Variants in AFF2 observed in about 807,000 individuals in gnomAD.
AFF2 encodes AF4/FMR2 family member 2.
Under a neutral mutation model 76.9 loss-of-function variants are expected in AFF2, and 14 were observed. The ratio of observed to expected loss-of-function variants is 0.18; its 90% CI spans 0.12 to 0.28. AFF2 has a LOEUF of 0.28. AFF2 is among the 10% of genes least tolerant of loss of function. The probability of loss-of-function intolerance (pLI) is 1.00; values close to 1 mark genes in which losing one functional copy is unlikely to be tolerated. For missense variants in AFF2, 868 were observed against 1,001.1 expected (o/e 0.87, Z 1.79); for synonymous variants, 398 against 366.7 (o/e 1.09, Z -0.98).
intron 4 of AFF2, among the ~76,000 whole-genome samples, chrX:148,826,733 A>G (rs1181399691): frequency 9.0e-6 from 1 of 110,737 alleles, no homozygotes; most frequent in Non-Finnish European, 1.9e-5. Context: ...TACAGATGCT[A>G]TTTATTTTCC....
rs1456698301 is a variant in AFF2, at chrX:148,640,606, C to T, written c.48-11393C>T. On this transcript the variant is annotated intron_variant, in intron 1 of 20. Transcript: ENST00000370460. ...AACTGAGACTGATAACTAATCATAT[C>T]GAGAGACAACGTGCTATAATACACA... is the stretch of plus-strand genomic sequence containing the variant. Among the ~76,000 whole-genome samples the T allele has an allele frequency of 4.4e-5, 5 of 112,419 alleles. No homozygotes were observed. In the East Asian group the frequency reaches 1.4e-3, roughly 32 times the overall value.
intron 1 of AFF2, among the ~76,000 whole-genome samples, chrX:148,560,860 T>A (rs1395318953): frequency 9.0e-6 from 1 of 111,350 alleles, no homozygotes; most frequent in Non-Finnish European, 1.9e-5. Context: ...CCTGTTCTCC[T>A]CAAAGTCCAG....
chrX:148,877,153 T>C (rs1431477445), intron 7 of AFF2, among the ~76,000 whole-genome samples: 1 of 112,120 alleles, frequency 8.9e-6, no homozygotes, highest in Non-Finnish European at 1.9e-5. Flanking sequence ...ATTCTTCTTT[T>C]ATTTTATTTC....
chrX:148,983,624 C>T (rs2072421311), intron 19 of AFF2, among the ~76,000 whole-genome samples: 1 of 111,693 alleles, frequency 9.0e-6, no homozygotes, highest in Admixed American at 9.5e-5. Context: ...AGTTTTGGCA[C>T]TTACTCCAGA....
At chrX:148,752,469 A>G (rs1408970663) in intron 3 of AFF2, among the ~76,000 whole-genome samples, 2 of 111,776 alleles carry the variant, frequency 1.8e-5, no homozygotes, top group Non-Finnish European at 3.8e-5. Context: ...TAATAATCCC[A>G]ACTATGGAGT....
At chrX:148,836,640 A>G (rs2070529793) in intron 4 of AFF2, among the ~76,000 whole-genome samples, 1 of 111,066 alleles carries the variant, frequency 9.0e-6, no homozygotes, top group Non-Finnish European at 1.9e-5. Context: ...ACTCCAACAC[A>G]TGCTGACTCC....
At chrX:148,842,006 A>G (rs1235991512) in intron 5 of AFF2, among the ~76,000 whole-genome samples, 1 of 112,472 alleles carries the variant, frequency 8.9e-6, no homozygotes, top group African/African-American at 3.2e-5. Context: ...GTTCTTGCTT[A>G]CTTTTTATAA....
chrX:148,577,825 C>T (rs781878505), intron 1 of AFF2, among the ~76,000 whole-genome samples: 3 of 111,620 alleles, frequency 2.7e-5, no homozygotes, highest in Non-Finnish European at 5.7e-5. Context: ...CCCCAAATGC[C>T]TTTACAACAA....
At chrX:148,608,092 G>A (rs2053689957) in intron 1 of AFF2, among the ~76,000 whole-genome samples, 1 of 111,666 alleles carries the variant, frequency 9.0e-6, no homozygotes, top group Non-Finnish European at 1.9e-5. Context: ...TGCACTTACC[G>A]AGGTCCAGGA....
In AFF2 at chrX:148,855,791, A is replaced by T. The variant is rs1375677295; in HGVS notation, c.1262+12358A>T. On this transcript the variant is annotated intron_variant, in intron 7 of 20. Coordinates refer to ENST00000370460, the MANE Select transcript of AFF2 (RefSeq NM_002025.4). ...CTTGGTCAAGTTACTTAACCTCTCT[A>T]TCACTCAGTTTCCTCATCTGTAAAA... 4.5e-5 allele frequency among the ~76,000 whole-genome samples: 5 copies of T among 111,770 alleles called. No homozygotes were observed. In the South Asian group the frequency reaches 1.5e-3, roughly 34 times the overall value.
At chrX:148,662,827 T>C in intron 3 of AFF2, 59 bp downstream of exon 3, 1 of 1,102,260 alleles carries the variant, frequency 9.1e-7, no homozygotes, top group East Asian at 3.1e-5. Flanking sequence ...TGCTCTAACC[T>C]CTATAATCCA....
At chrX:148,986,076 T>C (rs1266182711) in intron 19 of AFF2, among the ~76,000 whole-genome samples, 2 of 82,893 alleles carry the variant, frequency 2.4e-5, no homozygotes, top group Non-Finnish European at 4.4e-5. Flanking sequence ...ACTGGAAAAC[T>C]AGAGTTGCCA....
At chrX:148,585,220 A>G (rs1234345232) in intron 1 of AFF2, among the ~76,000 whole-genome samples, 2 of 111,472 alleles carry the variant, frequency 1.8e-5, no homozygotes, top group African/African-American at 6.5e-5. Flanking sequence ...AGAAGGTAAG[A>G]CAGCTACTGG....
chrX:148,653,009 A>G (rs963380878), intron 2 of AFF2, among the ~76,000 whole-genome samples: 1 of 111,921 alleles, frequency 8.9e-6, no homozygotes, highest in East Asian at 2.8e-4. Context: ...CTGGAAAAGG[A>G]AAGTTCTTAA....
At chrX:148,649,043 G>T (rs1446955583) in intron 1 of AFF2, among the ~76,000 whole-genome samples, 1 of 111,526 alleles carries the variant, frequency 9.0e-6, no homozygotes, top group Non-Finnish European at 1.9e-5. Flanking sequence ...TTTGGCTTGA[G>T]CATTTCTTTG....
chrX:148,825,744 A>AG (rs1332095724), intron 4 of AFF2, among the ~76,000 whole-genome samples: 2 of 99,932 alleles, frequency 2.0e-5, no homozygotes, highest in African/African-American at 7.6e-5. Context: ...ATCTCTGACC[A>AG]GGGTTTTTTT....
At chrX:148,852,274 T>C (rs1370146253) in intron 7 of AFF2, among the ~76,000 whole-genome samples, 3 of 110,721 alleles carry the variant, frequency 2.7e-5, no homozygotes, top group Non-Finnish European at 5.7e-5. Flanking sequence ...ATGGTAGTTC[T>C]GCTTTTAGTT....
intron 3 of AFF2, among the ~76,000 whole-genome samples, chrX:148,752,576 C>T (rs2055514860): frequency 9.0e-6 from 1 of 111,627 alleles, no homozygotes; most frequent in East Asian, 2.8e-4. Flanking sequence ...TTGAATGAGC[C>T]ACAGCACGTC....
chrX:148,991,460 T>C lies in AFF2; in HGVS notation c.*128T>C. ...GTTATGTTTGTTTTTATGCTTCTTTTGTTATCTGTAAAAAACAGAAGTCAT... is the reference window on the plus strand; with the variant it reads ...GTTATGTTTGTTTTTATGCTTCTTTCGTTATCTGTAAAAAACAGAAGTCAT... On this transcript the variant is annotated 3_prime_UTR_variant, in exon 21 of 21. Coordinates refer to ENST00000370460, the MANE Select transcript of AFF2 (RefSeq NM_002025.4). The C allele has an allele frequency of 1.2e-6, 1 of 832,315 alleles. No individual in the cohort carries two copies. Among genetic ancestry groups the C allele is most frequent in the Non-Finnish European group, 1.6e-6 (1 of 622,274 alleles). The allele number at this position is 832,315 out of a possible 1,213,427, so 68.6% of individuals were successfully genotyped here. A position where few individuals can be genotyped will look rare whatever the true frequency, so the allele number is the denominator to read the frequency against.
Sources: allele counts gnomAD v4.1 joint callset (sites outside exome capture counted in the v4.1 genomes callset), GRCh38; gene constraint gnomAD v4.1.1; transcripts MANE v1.5; gene names NCBI Gene and HGNC (gene_info 2026-07-23, HGNC 2026-07-21).